The following USP25 variants were observed in gnomAD, a reference collection of about 807,000 sequenced individuals.
USP25 encodes the protein ubiquitin specific peptidase 25, also known as ubiquitin carboxyl-terminal hydrolase 25.
A neutral mutation model predicts 158.5 loss-of-function variants in USP25; 85 were observed. The observed-to-expected ratio is 0.54, with a 90% CI of 0.45 to 0.64. The LOEUF is 0.64. Ranked by LOEUF, USP25 falls within the 30% of genes least tolerant of loss-of-function variation. The pLI is 0.00. For synonymous variants in USP25, 464 were observed against 460.4 expected, an observed-to-expected ratio of 1.01 and a Z score of -0.10; for missense variants, 1,242 against 1,327.3, an observed-to-expected ratio of 0.94 and a Z score of 1.00.
Position 15,879,360 on chromosome 21 carries a change from T to A in USP25, c.*885T>A, listed in dbSNP as rs1243036838. ...CACATACACACATGTATATATATAT[T>A]CTTCATAATGGAGGACAATGTTTTG... On this transcript the variant is annotated 3_prime_UTR_variant, in exon 26 of 26. Transcript: ENST00000400183. 6.6e-6 allele frequency: 1 copy of A among 152,334 alleles called. No individual in the cohort carries two copies. Among genetic ancestry groups the A allele is most frequent in the African/African-American group, 2.4e-5 (1 of 41,302 alleles). 9.4% of individuals were successfully genotyped at this position (152,334 alleles called of 1,614,324 possible).
chr21:15,811,157 AC>A lies in USP25; in HGVS notation c.882del (p.Met295TrpfsTer2). ...TTTAGGGATGAAGAGAAGCCAAAGAACCCCATGGTAGAGTTGTTCTATGGCA... is the reference window on the plus strand; with the variant it reads ...TTTAGGGATGAAGAGAAGCCAAAGAACCCATGGTAGAGTTGTTCTATGGCA... ...EEETDEEKPK[N>X]PMVELFYGRF... On this transcript the variant is annotated frameshift_variant, in exon 9 of 26. Transcript: ENST00000400183. LOFTEE classifies it high-confidence loss of function. 6.2e-7 allele frequency: 1 copy of A among 1,612,534 alleles called. No homozygotes were observed. The highest frequency in any genetic ancestry group is 8.5e-7 in the Non-Finnish European group (1 of 1,179,482).
chr21:15,767,655 C>T (rs1476250691), intron 3 of USP25, among the ~76,000 whole-genome samples: 1 of 151,638 alleles, frequency 6.6e-6, no homozygotes, highest in African/African-American at 2.4e-5. Context: ...TTCCAAGACT[C>T]GAGGGGAAAA....
At chr21:15,736,849 A>G (rs946157356) in intron 1 of USP25, among the ~76,000 whole-genome samples, 2 of 148,758 alleles carry the variant, frequency 1.3e-5, no homozygotes, top group South Asian at 2.1e-4. Flanking sequence ...TTAATTAACT[A>G]TTTAATTTTA....
chr21:15,814,710 C>T (rs1488124185), intron 9 of USP25, among the ~76,000 whole-genome samples: 1 of 152,054 alleles, frequency 6.6e-6, no homozygotes, highest in Non-Finnish European at 1.5e-5. Context: ...GAAGAAATTT[C>T]TAAGCAGCAA....
intron 17 of USP25, 67 bp downstream of exon 17, chr21:15,833,615 A>G (rs1054057067): frequency 2.1e-5 from 30 of 1,410,972 alleles, no homozygotes; most frequent in Non-Finnish European, 2.6e-5. Context: ...TATGCTCATT[A>G]TTAAAAAGTT....
intron 17 of USP25, among the ~76,000 whole-genome samples, chr21:15,835,896 A>G (rs2038042782): frequency 6.6e-6 from 1 of 152,158 alleles, no homozygotes; most frequent in Non-Finnish European, 1.5e-5. Flanking sequence ...ATATTAAGAA[A>G]TTTGTTCTCT....
intron 20 of USP25, among the ~76,000 whole-genome samples, chr21:15,854,136 GTTTGTTTTGT>G (rs755597116): frequency 6.7e-6 from 1 of 149,138 alleles, no homozygotes; most frequent in African/African-American, 2.4e-5. Flanking sequence ...GGGAAAAGTT[GTTTGTTTTGT>G]TTTGTTTTGT....
rs1254749296 is a variant in USP25 at position 15,878,101 on chromosome 21, T to C, written c.3205+110T>C. 3.8e-6 allele frequency: 4 copies of C among 1,039,046 alleles called. No homozygotes were observed. The Admixed American group carries it at 9.1e-5, about 24-fold the overall frequency. 64.4% of individuals were successfully genotyped at this position (1,039,046 alleles called of 1,614,324 possible). On this transcript the variant is annotated intron_variant, in intron 25 of 25. Coordinates refer to ENST00000400183, the MANE Select transcript of USP25 (RefSeq NM_001283041.3). ...TTATATTAAATACAATATTAAGTATTAATATTTTCACATTCACATGATTAC... is the reference window on the plus strand; with the variant it reads ...TTATATTAAATACAATATTAAGTATCAATATTTTCACATTCACATGATTAC...
chr21:15,800,637 G>C (rs1189737035), intron 6 of USP25, among the ~76,000 whole-genome samples: 2 of 151,356 alleles, frequency 1.3e-5, no homozygotes, highest in African/African-American at 4.8e-5. Context: ...TGCGTGTAGG[G>C]CTTTAGTGGT....
At chr21:15,803,805 A>C (rs1392055493) in intron 6 of USP25, among the ~76,000 whole-genome samples, 3 of 151,850 alleles carry the variant, frequency 2.0e-5, no homozygotes, top group African/African-American at 7.2e-5. Flanking sequence ...CTGAGGGCAT[A>C]TTTGGAACCA....
chr21:15,795,947 GT>G (rs1407084858), intron 5 of USP25, among the ~76,000 whole-genome samples: 1 of 151,344 alleles, frequency 6.6e-6, no homozygotes, highest in Non-Finnish European at 1.5e-5. Context: ...GGCAGTTTAT[GT>G]TTCATTTCCT....
At chr21:15,818,595 T>G (rs2037069197) in intron 9 of USP25, 103 bp from the exon 10 acceptor site, 2 of 956,182 alleles carry the variant, frequency 2.1e-6, no homozygotes, top group Admixed American at 2.6e-5. Flanking sequence ...ATGAAATCAG[T>G]CAGTGTTACA....
chr21:15,840,256 T>C (rs9983171), intron 17 of USP25, among the ~76,000 whole-genome samples: 10,477 of 152,218 alleles, frequency 0.069, 1,156 homozygotes, highest in African/African-American at 0.23. Context: ...ATCTCAAGTA[T>C]GTGTATTGGG....
intron 17 of USP25, among the ~76,000 whole-genome samples, chr21:15,837,427 G>A (rs1309783363): frequency 6.6e-6 from 1 of 152,184 alleles, no homozygotes; most frequent in African/African-American, 2.4e-5. Flanking sequence ...ATCAGAGTGA[G>A]TAGGGTTTTT....
intron 3 of USP25, among the ~76,000 whole-genome samples, chr21:15,768,219 A>C (rs538924852): frequency 6.6e-5 from 10 of 152,082 alleles, no homozygotes; most frequent in Non-Finnish European, 1.3e-4. Flanking sequence ...ATAATACGTA[A>C]TATGTATCAA....
At chr21:15,839,526 T>C (rs1444998992) in intron 17 of USP25, among the ~76,000 whole-genome samples, 2 of 152,162 alleles carry the variant, frequency 1.3e-5, no homozygotes, top group Non-Finnish European at 2.9e-5. Context: ...TGTTTAAAAA[T>C]ATGAGTAGGT....
At chr21:15,832,714 G>A (rs575404054) in intron 16 of USP25, among the ~76,000 whole-genome samples, 1 of 146,314 alleles carries the variant, frequency 6.8e-6, no homozygotes, top group African/African-American at 2.7e-5. Context: ...ATCACTGTTA[G>A]AGTAGCAAAG....
intron 20 of USP25, among the ~76,000 whole-genome samples, chr21:15,856,371 T>C (rs1766964602): frequency 6.6e-6 from 1 of 152,240 alleles, no homozygotes; most frequent in Admixed American, 6.5e-5. Flanking sequence ...ATCTATTCAT[T>C]GTTTCTTGTA....
At chr21:15,874,619 C>CT in intron 24 of USP25, 93 bp downstream of exon 24, 1 of 1,284,646 alleles carries the variant, frequency 7.8e-7, no homozygotes, top group Non-Finnish European at 1.1e-6. Flanking sequence ...TCCATAAACT[C>CT]TGAGGGGATA....
Sources: gnomAD v4.1 joint callset for allele counts (sites outside exome capture counted in the v4.1 genomes callset) on GRCh38, gnomAD v4.1.1 for gene constraint, MANE v1.5 for transcripts, NCBI Gene and HGNC (gene_info 2026-07-23, HGNC 2026-07-21) for gene names.